Variants in EML6 observed in about 807,000 individuals in gnomAD.
EML6 encodes EMAP like 6, also known as echinoderm microtubule-associated protein-like 6.
In EML6, 154 loss-of-function variants were observed where a neutral mutation model predicts 240.1. The observed-to-expected ratio is 0.64, with a 90% CI of 0.56 to 0.73. The LOEUF (loss-of-function observed/expected upper bound fraction) is 0.73, where lower values mean the gene tolerates loss of function less well. EML6 is among the 30% of genes least tolerant of loss of function. The pLI is 0.00. For missense variants in EML6, 2,964 were observed against 2,474.6 expected (o/e 1.20, Z -4.20); for synonymous variants, 1,148 against 899.0 (o/e 1.28, Z -4.95).
At chr2:54,776,287 C>T (rs1255353928) in intron 2 of EML6, among the ~76,000 whole-genome samples, 1 of 152,128 alleles carries the variant, frequency 6.6e-6, no homozygotes, top group Non-Finnish European at 1.5e-5. Context: ...TATTCTCTCC[C>T]TTGTCAAGAA....
chr2:54,771,095 A>T (rs1668382625), intron 2 of EML6, among the ~76,000 whole-genome samples: 1 of 152,078 alleles, frequency 6.6e-6, no homozygotes, highest in Non-Finnish European at 1.5e-5. Context: ...ATGAGTCTTG[A>T]GCTCAGTGGC....
At chr2:54,832,366 A>T (rs1424163799) in intron 7 of EML6, among the ~76,000 whole-genome samples, 1 of 152,220 alleles carries the variant, frequency 6.6e-6, no homozygotes, top group African/African-American at 2.4e-5. Context: ...GTTGAGTTCC[A>T]GAGCCACCTT....
intron 2 of EML6, among the ~76,000 whole-genome samples, chr2:54,806,951 A>G (rs550486639): frequency 6.6e-6 from 1 of 152,328 alleles, no homozygotes. Flanking sequence ...GTCACGGAAC[A>G]AACAGCTCTC....
At chr2:54,916,616 A>G (rs994253004) in intron 25 of EML6, 143 bp from the exon 26 acceptor site, 1 of 530,864 alleles carries the variant, frequency 1.9e-6, no homozygotes, top group East Asian at 2.9e-5. Context: ...TAAATATGCA[A>G]CTTAGAATTT....
At position 54,827,607 on chromosome 2, in the gene EML6, G is replaced by A; in HGVS notation, c.567G>A (p.Gly189=). 1 of 1,551,668 alleles carries A rather than the reference G, an allele frequency of 6.4e-7. No individual in the cohort carries two copies. Among genetic ancestry groups the A allele is most frequent in the Non-Finnish European group, 8.7e-7 (1 of 1,146,980 alleles). ...GAAATGCCCTGACTGCAAAAAGAGG[G>A]ATATTTGGCAAAACAGGGGATCTTC... ...LCGNALTAKR[G]IFGKTGDLQT... is the part of the protein sequence containing the mutation. Residue 189 remains glycine, a synonymous_variant, in exon 6 of 42, where the codon GGG becomes GGA. Transcript: ENST00000356458.
At position 54,918,352 on chromosome 2, in the gene EML6, CTAAT is replaced by C. The variant is rs141706672; in HGVS notation, c.3675+1418_3675+1421del. On this transcript the variant is annotated intron_variant, in intron 26 of 41. Transcript: ENST00000356458. ...CATTCCATTTATTTATTTATTTTAA[CTAAT>C]GAATGAATGAATGACAGGGTTTTGC... Among the ~76,000 whole-genome samples, 628 of 152,256 alleles carry C rather than the reference CTAAT, an allele frequency of 4.1e-3. 4 individuals are homozygous for C. The highest frequency in any genetic ancestry group is 0.015 in the African/African-American group (603 of 41,522).
chr2:54,961,189 T>TTTTTTTTTTTTTTTTTTTTTTTTTG (rs1558729617), intron 35 of EML6, among the ~76,000 whole-genome samples: 1 of 108,030 alleles, frequency 9.3e-6, no homozygotes, highest in Admixed American at 9.9e-5. Flanking sequence ...AAGTAGTTTT[T>TTTTTTTTTTTTTTTTTTTTTTTTTG]TTTTTTTTTT....
chr2:54,903,618 C>G, intron 24 of EML6, 116 bp downstream of exon 24: 2 of 548,680 alleles, frequency 3.6e-6, no homozygotes. Context: ...GGGAATCCCA[C>G]AACAATATAA....
At chr2:54,871,863 C>G (rs1156260530) in intron 16 of EML6, among the ~76,000 whole-genome samples, 1 of 152,226 alleles carries the variant, frequency 6.6e-6, no homozygotes, top group Non-Finnish European at 1.5e-5. Flanking sequence ...TTTTCTGTCT[C>G]CTAAGTCACT....
intron 19 of EML6, among the ~76,000 whole-genome samples, chr2:54,893,481 C>T (rs947500898): frequency 6.6e-6 from 1 of 152,134 alleles, no homozygotes; most frequent in Non-Finnish European, 1.5e-5. Flanking sequence ...TGAGGGCAGA[C>T]CCCTCATGGT....
chr2:54,876,500 C>G (rs1468688497), intron 16 of EML6, among the ~76,000 whole-genome samples: 1 of 152,194 alleles, frequency 6.6e-6, no homozygotes, highest in Non-Finnish European at 1.5e-5. Flanking sequence ...AAGCTCACCT[C>G]TTACCCCGGC....
intron 33 of EML6, among the ~76,000 whole-genome samples, chr2:54,958,246 C>T (rs1346766104): frequency 2.6e-5 from 4 of 152,126 alleles, no homozygotes; most frequent in Non-Finnish European, 5.9e-5. Flanking sequence ...GGCTGGAGTG[C>T]AGTGGCGCAA....
chr2:54,948,830 C>A, intron 28 of EML6, 52 bp from the exon 29 acceptor site: 3 of 1,425,774 alleles, frequency 2.1e-6, no homozygotes, highest in East Asian at 2.5e-5. Flanking sequence ...GGGAAGGCAG[C>A]CTTGCAGCCC....
At position 54,844,049 on chromosome 2, in the gene EML6, C is replaced by T; in HGVS notation, c.850C>T (p.Leu284Phe). ...TTTGTTTTACTTATTTTTGTCAGGCCTCTCTATCCGGAGCGTGTGCTGGAA... is the reference window on the plus strand; with the variant it reads ...TTTGTTTTACTTATTTTTGTCAGGCTTCTCTATCCGGAGCGTGTGCTGGAA... ...LRETEQGYKG[L>F]SIRSVCWKAD... is the part of the protein sequence containing the mutation. The change falls in exon 8 of 42, where the codon CTC becomes TTC. Residue 284 changes from leucine to phenylalanine, a missense_variant and splice_region_variant. By Grantham distance (22) the Leu-to-Phe change is conservative. Coordinates refer to ENST00000356458, the MANE Select transcript of EML6 (RefSeq NM_001039753.4). The T allele has an allele frequency of 6.5e-7, 1 of 1,544,322 alleles. No homozygotes were observed. Among genetic ancestry groups the T allele is most frequent in the Non-Finnish European group, 8.7e-7 (1 of 1,143,876 alleles).
intron 2 of EML6, among the ~76,000 whole-genome samples, chr2:54,740,076 GA>G (rs1683564037): frequency 6.6e-6 from 1 of 152,160 alleles, no homozygotes; most frequent in East Asian, 1.9e-4. Flanking sequence ...AGGGTCAGGG[GA>G]GATGAGTTCA....
intron 28 of EML6, among the ~76,000 whole-genome samples, chr2:54,939,048 C>G (rs13026576): frequency 0.063 from 9,614 of 152,292 alleles, 426 homozygotes; most frequent in South Asian, 0.15. Context: ...CTAGAACATG[C>G]TGGCACTTAG....
chr2:54,833,008 C>T (rs2084350828), intron 7 of EML6, among the ~76,000 whole-genome samples: 1 of 152,212 alleles, frequency 6.6e-6, no homozygotes, highest in African/African-American at 2.4e-5. Context: ...GAATTCATTT[C>T]AATGGAAATG....
intron 2 of EML6, among the ~76,000 whole-genome samples, chr2:54,790,885 C>G (rs986866708): frequency 2.0e-5 from 3 of 151,912 alleles, no homozygotes; most frequent in African/African-American, 4.8e-5. Flanking sequence ...GCCACCGCGC[C>G]CAGCTAATTT....
intron 2 of EML6, among the ~76,000 whole-genome samples, chr2:54,779,880 AAG>A (rs1553376102): frequency 3.4e-5 from 5 of 148,228 alleles, no homozygotes; most frequent in African/African-American, 1.3e-4. Flanking sequence ...AAAAAAAAAA[AAG>A]AATATAGTAA....
Sources: gnomAD v4.1 joint callset for allele counts (sites outside exome capture counted in the v4.1 genomes callset) on GRCh38, gnomAD v4.1.1 for gene constraint, MANE v1.5 for transcripts, NCBI Gene and HGNC (gene_info 2026-07-23, HGNC 2026-07-21) for gene names.